Variants in FRAS1 observed in about 807,000 individuals in gnomAD.
FRAS1 encodes Fraser extracellular matrix complex subunit 1, also known as extracellular matrix organizing protein FRAS1.
In FRAS1, 290 loss-of-function variants were observed where a neutral mutation model predicts 435.2. The observed-to-expected ratio is 0.67, with a 90% CI of 0.61 to 0.73. The LOEUF is 0.73. Among genes scored for constraint, FRAS1 ranks in the 30% least tolerant of loss-of-function variants. The probability of loss-of-function intolerance (pLI) is 0.00; values close to 1 mark genes in which losing one functional copy is unlikely to be tolerated. For synonymous variants in FRAS1, 1,800 were observed against 1,851.0 expected, an observed-to-expected ratio of 0.97 and a Z score of 0.71; for missense variants, 4,860 against 5,001.5, an observed-to-expected ratio of 0.97 and a Z score of 0.85.
intron 41 of FRAS1, among the ~76,000 whole-genome samples, chr4:78,443,382 T>C (rs1734736743): frequency 6.6e-6 from 1 of 152,180 alleles, no homozygotes; most frequent in African/African-American, 2.4e-5. Flanking sequence ...ACTAGCTACC[T>C]AAATTCAGAA....
At chr4:78,533,021 G>C (rs539781418) in intron 70 of FRAS1, among the ~76,000 whole-genome samples, 260 of 152,290 alleles carry the variant, frequency 1.7e-3, no homozygotes, top group African/African-American at 6.1e-3. Flanking sequence ...GCTGGGTCAT[G>C]TAATAGTTCT....
At chr4:78,254,115 G>A (rs1725679356) in intron 5 of FRAS1, among the ~76,000 whole-genome samples, 1 of 151,600 alleles carries the variant, frequency 6.6e-6, no homozygotes, top group African/African-American at 2.4e-5. Flanking sequence ...AGACTTTTAG[G>A]CCCTCTCCTC....
chr4:78,308,310 C>A, intron 15 of FRAS1, 101 bp downstream of exon 15: 2 of 1,218,448 alleles, frequency 1.6e-6, no homozygotes, highest in Non-Finnish European at 2.3e-6. Flanking sequence ...TTCTTTTACT[C>A]AACATATATG....
chr4:78,255,803 G>A (rs11098116), intron 6 of FRAS1, among the ~76,000 whole-genome samples: 2,588 of 152,202 alleles, frequency 0.017, 82 homozygotes, highest in African/African-American at 0.059. Flanking sequence ...ATTCTTATAG[G>A]ATAATGATTC....
intron 2 of FRAS1, among the ~76,000 whole-genome samples, chr4:78,229,306 GTTT>G (rs751704490): frequency 7.5e-6 from 1 of 133,692 alleles, no homozygotes; most frequent in Non-Finnish European, 1.6e-5. Context: ...CTTTGTCCTT[GTTT>G]TTTTTTTTTT....
rs372486576 is a variant in FRAS1, at chr4:78,197,713, G to C, written c.109-39797G>C. On this transcript the variant is annotated intron_variant, in intron 2 of 73. Transcript: ENST00000512123. ...TCCCAGCACTTTGGGAGGCTAAGGC[G>C]GGTGGATCATGAGGTCAGGAGATCG... is the stretch of plus-strand genomic sequence containing the variant. Among the ~76,000 whole-genome samples, 145 of 152,164 alleles carry C rather than the reference G, an allele frequency of 9.5e-4. 1 individual carries two copies. The highest frequency in any genetic ancestry group is 3.4e-3 in the African/African-American group (143 of 41,520).
chr4:78,360,261 A>G (rs1478646035), intron 20 of FRAS1, among the ~76,000 whole-genome samples: 1 of 152,180 alleles, frequency 6.6e-6, no homozygotes. Flanking sequence ...GAGGCCATTA[A>G]ATCTGGTCCT....
At chr4:78,191,076 C>T (rs961470643) in intron 2 of FRAS1, among the ~76,000 whole-genome samples, 1 of 152,198 alleles carries the variant, frequency 6.6e-6, no homozygotes, top group Non-Finnish European at 1.5e-5. Flanking sequence ...GAAGACTCCT[C>T]ACCAGAAAAT....
At chr4:78,126,363 A>G (rs1271303013) in intron 2 of FRAS1, among the ~76,000 whole-genome samples, 11 of 152,206 alleles carry the variant, frequency 7.2e-5, no homozygotes, top group Admixed American at 5.9e-4. Context: ...TTCCTGGGTG[A>G]GGCAACACCC....
At chr4:78,253,428 C>T (rs574081006) in intron 5 of FRAS1, among the ~76,000 whole-genome samples, 11 of 152,070 alleles carry the variant, frequency 7.2e-5, no homozygotes, top group South Asian at 4.1e-4. Flanking sequence ...GTGAAGATAA[C>T]GGGATTAAAA....
intron 62 of FRAS1, 24 bp from the exon 63 acceptor site, chr4:78,508,707 T>C (rs1720927589): frequency 6.2e-7 from 1 of 1,613,096 alleles, no homozygotes. Context: ...CAACCTGAAC[T>C]GAAGCTTTGT....
rs140905235 is a variant in FRAS1 at position 78,263,683 on chromosome 4, A to G, written c.604-1342A>G. 1.1e-4 allele frequency among the ~76,000 whole-genome samples: 16 copies of G among 152,378 alleles called. No homozygotes were observed. In the East Asian group the frequency reaches 3.1e-3, roughly 29 times the overall value. On this transcript the variant is annotated intron_variant, in intron 6 of 73. Coordinates refer to ENST00000512123, the MANE Select transcript of FRAS1 (RefSeq NM_025074.7). ...AGAGATCTGTCTGTAGTCAAGAAAC[A>G]CTAAATGATTTCAGTGCAAGTTCAA...
intron 2 of FRAS1, among the ~76,000 whole-genome samples, chr4:78,156,342 T>C (rs6822005): frequency 0.92 from 138,772 of 151,648 alleles, 63,669 homozygotes; most frequent in Admixed American, 0.95. Flanking sequence ...TTTTTAGATC[T>C]CTGCCTATCT....
chr4:78,281,085 C>T (rs1414606781), intron 10 of FRAS1, among the ~76,000 whole-genome samples: 1 of 152,210 alleles, frequency 6.6e-6, no homozygotes, highest in Non-Finnish European at 1.5e-5. Flanking sequence ...TGCTCTGGCA[C>T]CATGCAAAAT....
intron 2 of FRAS1, among the ~76,000 whole-genome samples, chr4:78,206,828 T>C (rs1057114918): frequency 6.6e-6 from 1 of 152,212 alleles, no homozygotes; most frequent in African/African-American, 2.4e-5. Flanking sequence ...CCTAATAGGG[T>C]AGAAGACAAA....
chr4:78,413,379 T>C (rs978143340), intron 32 of FRAS1, among the ~76,000 whole-genome samples: 2 of 152,158 alleles, frequency 1.3e-5, no homozygotes, highest in South Asian at 4.1e-4. Flanking sequence ...GGAGGAAATT[T>C]CAGGCTTATG....
intron 2 of FRAS1, among the ~76,000 whole-genome samples, chr4:78,131,377 T>C (rs1177974258): frequency 6.6e-6 from 1 of 152,210 alleles, no homozygotes; most frequent in Non-Finnish European, 1.5e-5. Context: ...CTCCACCCCA[T>C]CTAAACTCTT....
chr4:78,299,651 C>T lies in FRAS1; in HGVS notation c.1535-8415C>T, dbSNP rs187593293. On this transcript the variant is annotated intron_variant, in intron 14 of 73. Transcript: ENST00000512123. ...CAGATGTCTTGAGTTACTTTCTTTT[C>T]TCCCCACTGCCAGAATGAACTCTCT... 1.4e-3 allele frequency among the ~76,000 whole-genome samples: 217 copies of T among 152,290 alleles called. 4 individuals are homozygous for T. In the East Asian group the frequency reaches 0.031, roughly 21 times the overall value.
At chr4:78,105,497 G>A (rs1477584908) in intron 2 of FRAS1, among the ~76,000 whole-genome samples, 2 of 152,120 alleles carry the variant, frequency 1.3e-5, no homozygotes, top group Non-Finnish European at 2.9e-5. Context: ...AAAGGGCCAG[G>A]GGAGGATATG....
Sources: gnomAD v4.1 joint callset for allele counts (sites outside exome capture counted in the v4.1 genomes callset) on GRCh38, gnomAD v4.1.1 for gene constraint, MANE v1.5 for transcripts, NCBI Gene and HGNC (gene_info 2026-07-23, HGNC 2026-07-21) for gene names.